Variants in THRB observed in about 807,000 individuals in gnomAD.
THRB encodes thyroid hormone receptor beta.
Under a neutral mutation model 47.8 loss-of-function variants are expected in THRB, and 12 were observed. That is an observed-to-expected ratio of 0.25 (90% CI 0.16 to 0.41). The LOEUF (loss-of-function observed/expected upper bound fraction) is 0.41, where lower values mean the gene tolerates loss of function less well. Among genes scored for constraint, THRB ranks in the 10% least tolerant of loss-of-function variants. The pLI is 1.00. For missense variants in THRB, 348 were observed against 589.2 expected, an observed-to-expected ratio of 0.59 and a Z score of 4.24; for synonymous variants, 218 against 212.2, an observed-to-expected ratio of 1.03 and a Z score of -0.24.
intron 2 of THRB, among the ~76,000 whole-genome samples, chr3:24,325,726 A>T (rs2058762145): frequency 6.6e-6 from 1 of 152,182 alleles, no homozygotes; most frequent in Non-Finnish European, 1.5e-5. Flanking sequence ...GTCTTTGATG[A>T]TCAGTCTAAA....
At chr3:24,254,655 A>C (rs73823265) in intron 3 of THRB, among the ~76,000 whole-genome samples, 9,078 of 152,264 alleles carry the variant, frequency 0.06, 616 homozygotes, top group African/African-American at 0.16. Context: ...GTTGATTGCT[A>C]TCAGGGTTTT....
intron 2 of THRB, among the ~76,000 whole-genome samples, chr3:24,319,368 C>G (rs983683982): frequency 6.6e-6 from 1 of 152,144 alleles, no homozygotes; most frequent in Non-Finnish European, 1.5e-5. Context: ...TATCCATGTA[C>G]TCAATACTAC....
intron 4 of THRB, among the ~76,000 whole-genome samples, chr3:24,203,968 C>A (rs915439663): frequency 1.3e-5 from 2 of 152,244 alleles, no homozygotes; most frequent in Non-Finnish European, 2.9e-5. Context: ...GAGGGGCACC[C>A]GCCATTGCTG....
intron 3 of THRB, among the ~76,000 whole-genome samples, chr3:24,240,228 G>A (rs2049343334): frequency 6.6e-6 from 1 of 152,166 alleles, no homozygotes; most frequent in Non-Finnish European, 1.5e-5. Context: ...AGCCAAGTGA[G>A]TCGGCCTGGC....
chr3:24,233,816 G>T (rs7641934), intron 3 of THRB, among the ~76,000 whole-genome samples: 32,206 of 152,116 alleles, frequency 0.21, 3,539 homozygotes, highest in African/African-American at 0.27. Context: ...CAGAGTGCAG[G>T]CATGTTCAGT....
chr3:24,389,118 C>T (rs574723566), intron 1 of THRB, among the ~76,000 whole-genome samples: 5 of 152,264 alleles, frequency 3.3e-5, no homozygotes, highest in Non-Finnish European at 5.9e-5. Context: ...ATCTCTCCTT[C>T]GCAGAAAGCA....
At chr3:24,191,746 C>T (rs6768166) in intron 4 of THRB, among the ~76,000 whole-genome samples, 4,526 of 152,258 alleles carry the variant, frequency 0.03, 204 homozygotes, top group African/African-American at 0.1. Flanking sequence ...TTTCATATTA[C>T]TATGAGAAAA....
intron 1 of THRB, among the ~76,000 whole-genome samples, chr3:24,464,137 T>C (rs535153188): frequency 6.6e-6 from 1 of 150,408 alleles, no homozygotes; most frequent in Admixed American, 6.7e-5. Context: ...TCCCAGCTAC[T>C]CAAAAGGCTG....
chr3:24,286,860 C>G (rs1159973329), intron 3 of THRB, among the ~76,000 whole-genome samples: 1 of 152,134 alleles, frequency 6.6e-6, no homozygotes, highest in Non-Finnish European at 1.5e-5. Context: ...CATTTTCTCA[C>G]CGTTAGCCTG....
chr3:24,470,965 A>C (rs2074525199), intron 1 of THRB, among the ~76,000 whole-genome samples: 1 of 152,230 alleles, frequency 6.6e-6, no homozygotes, highest in South Asian at 2.1e-4. Context: ...CAAGTGTTTG[A>C]AGGCTGCCAC....
intron 1 of THRB, among the ~76,000 whole-genome samples, chr3:24,411,480 T>A (rs2150179434): frequency 6.6e-6 from 1 of 151,770 alleles, no homozygotes; most frequent in Non-Finnish European, 1.5e-5. Context: ...TGCCCTGGGG[T>A]TAATTTTTGT....
chr3:24,398,782 A>T (rs867599449), intron 1 of THRB, among the ~76,000 whole-genome samples: 3 of 152,200 alleles, frequency 2.0e-5, no homozygotes, highest in Middle Eastern at 3.4e-3. Context: ...TGCACACGTA[A>T]GTTTATTGCG....
intron 5 of THRB, among the ~76,000 whole-genome samples, chr3:24,184,355 T>C (rs2042295784): frequency 6.6e-6 from 1 of 152,162 alleles, no homozygotes; most frequent in Non-Finnish European, 1.5e-5. Flanking sequence ...AGAGGTATGG[T>C]TGGGTACGTC....
At chr3:24,250,790 A>T (rs2050586828) in intron 3 of THRB, among the ~76,000 whole-genome samples, 1 of 152,188 alleles carries the variant, frequency 6.6e-6, no homozygotes, top group Non-Finnish European at 1.5e-5. Context: ...TGTTTAACCT[A>T]CCTTACATTC....
chr3:24,408,522 T>C (rs191720852), intron 1 of THRB, among the ~76,000 whole-genome samples: 1 of 151,904 alleles, frequency 6.6e-6, no homozygotes, highest in South Asian at 2.1e-4. Context: ...TGTGAGCACG[T>C]GCATGAGCAT....
intron 2 of THRB, among the ~76,000 whole-genome samples, chr3:24,298,898 T>C (rs1305476788): frequency 6.6e-6 from 1 of 152,244 alleles, no homozygotes. Flanking sequence ...TTATGAACTA[T>C]AGTTCTCAAA....
rs567857733 is a variant in THRB at position 24,190,577 on chromosome 3, T to C, written c.23-243A>G. ...TTTTAAATGCCTAGAAAGACATTAGTTCCTGCATGGCAAGGCTGTACTTTC... is the reference window on the plus strand; with the variant it reads ...TTTTAAATGCCTAGAAAGACATTAGCTCCTGCATGGCAAGGCTGTACTTTC... On this transcript the variant is annotated intron_variant, in intron 4 of 10. Coordinates refer to ENST00000646209, the MANE Select transcript of THRB (RefSeq NM_001354712.2). Among the ~76,000 whole-genome samples, 3 of 152,256 alleles carry C rather than the reference T, an allele frequency of 2.0e-5. No individual in the cohort carries two copies. In the South Asian group the frequency reaches 6.2e-4, roughly 32 times the overall value.
chr3:24,297,266 G>A lies in THRB; in HGVS notation c.-83C>T, dbSNP rs745691356. On this transcript the variant is annotated 5_prime_UTR_variant, in exon 3 of 11. Coordinates refer to ENST00000646209, the MANE Select transcript of THRB (RefSeq NM_001354712.2). ...CTACTGCTAACCTCTTTGAATAACA[G>A]GCTTTCAGTCTTCAAGACGTTTGTT... 2.6e-5 allele frequency: 4 copies of A among 152,166 alleles called. No homozygotes were observed. Among genetic ancestry groups the A allele is most frequent in the Non-Finnish European group, 5.9e-5 (4 of 68,046 alleles). 9.4% of individuals were successfully genotyped at this position (152,166 alleles called of 1,614,324 possible). A position where few individuals can be genotyped will look rare whatever the true frequency, so the allele number is the denominator to read the frequency against.
At chr3:24,434,849 A>G (rs554686942) in intron 1 of THRB, among the ~76,000 whole-genome samples, 1 of 152,314 alleles carries the variant, frequency 6.6e-6, no homozygotes, top group East Asian at 1.9e-4. Context: ...AATAGACACT[A>G]ATTGAAGATG....
Sources: gnomAD v4.1 joint callset for allele counts (sites outside exome capture counted in the v4.1 genomes callset) on GRCh38, gnomAD v4.1.1 for gene constraint, MANE v1.5 for transcripts, NCBI Gene and HGNC (gene_info 2026-07-23, HGNC 2026-07-21) for gene names.